The following CELSR1 variants were observed in gnomAD, a reference collection of about 807,000 sequenced individuals.
The protein encoded by CELSR1 is adhesion G protein-coupled receptor C1.
CELSR1 carries 110 observed loss-of-function variants against 249.1 expected under a neutral mutation model. That is an observed-to-expected ratio of 0.44 (90% CI 0.38 to 0.52). The LOEUF is 0.52. Ranked by LOEUF, CELSR1 falls within the 20% of genes least tolerant of loss-of-function variation. The probability of loss-of-function intolerance (pLI) is 0.00; values close to 1 mark genes in which losing one functional copy is unlikely to be tolerated. For synonymous variants in CELSR1, 2,113 were observed against 1,900.0 expected, an observed-to-expected ratio of 1.11 and a Z score of -2.92; for missense variants, 4,109 against 4,296.4, an observed-to-expected ratio of 0.96 and a Z score of 1.22.
intron 5 of CELSR1, among the ~76,000 whole-genome samples, chr22:46,432,351 T>C (rs969929534): frequency 1.3e-5 from 2 of 152,102 alleles, no homozygotes; most frequent in African/African-American, 2.4e-5. Context: ...AGGAAGATGC[T>C]CTCTCCATAG....
chr22:46,529,093 G>A (rs1316429062), intron 1 of CELSR1, among the ~76,000 whole-genome samples: 4 of 151,518 alleles, frequency 2.6e-5, no homozygotes, highest in Non-Finnish European at 4.4e-5. Context: ...GTGAAACCCC[G>A]TCTCTACTAA....
chr22:46,366,596 G>T (rs1345839647), intron 29 of CELSR1, 116 bp from the exon 30 acceptor site: 7 of 833,552 alleles, frequency 8.4e-6, no homozygotes, highest in Non-Finnish European at 1.2e-5. Flanking sequence ...CTGGGCCCCT[G>T]CCTGGCACAC....
At position 46,441,616 on chromosome 22, in the gene CELSR1, C is replaced by A. The variant is rs1220409918; in HGVS notation, c.4184-2205G>T. Among the ~76,000 whole-genome samples the A allele has an allele frequency of 6.6e-6, 1 of 152,098 alleles. No homozygotes were observed. Among genetic ancestry groups the A allele is most frequent in the Non-Finnish European group, 1.5e-5 (1 of 68,026 alleles). On this transcript the variant is annotated intron_variant, in intron 2 of 34. Coordinates refer to ENST00000674500, the MANE Select transcript of CELSR1 (RefSeq NM_001378328.1). This position sits in a 1 kb window ranked among gnomAD's most constrained non-coding sequence, Gnocchi z 6.1. ...CTGTCTTTCTAGCTAGCAGACGGTG[C>A]CTTCTTGCCGCATAAGGGAGAGGGC... is the stretch of plus-strand genomic sequence containing the variant.
intron 1 of CELSR1, among the ~76,000 whole-genome samples, chr22:46,483,332 G>A (rs2080284276): frequency 1.3e-5 from 2 of 151,764 alleles, no homozygotes; most frequent in East Asian, 3.9e-4. Context: ...GGTGTCTAGG[G>A]CGCAGTCCTC....
chr22:46,439,663 C>CA (rs774728003), intron 2 of CELSR1, among the ~76,000 whole-genome samples: 11 of 152,126 alleles, frequency 7.2e-5, no homozygotes, highest in Admixed American at 5.9e-4. Context: ...AGGGGGTTCC[C>CA]AAAAAGCACT....
intron 1 of CELSR1, among the ~76,000 whole-genome samples, chr22:46,511,216 G>A (rs2080570105): frequency 6.7e-6 from 1 of 150,302 alleles, no homozygotes; most frequent in African/African-American, 2.4e-5. Context: ...CATAGAAGAT[G>A]GACACCAAAG....
At position 46,410,580 on chromosome 22, in the gene CELSR1, C is replaced by A. The variant is rs1215280117; in HGVS notation, c.4770-19G>T. ...CAGGGACCTGGGTAGGTAAAGCCAT[C>A]TTCTGTGACGTCAGGGCGGGGAGAG... On this transcript the variant is annotated intron_variant, in intron 6 of 34. Coordinates refer to ENST00000674500, the MANE Select transcript of CELSR1 (RefSeq NM_001378328.1). This position sits in a 1 kb window ranked among gnomAD's most constrained non-coding sequence, Gnocchi z 6.8. 2.5e-6 allele frequency: 4 copies of A among 1,608,898 alleles called. No individual in the cohort carries two copies. The highest frequency in any genetic ancestry group is 3.3e-5 in the Admixed American group (2 of 59,932).
At position 46,439,356 on chromosome 22, in the gene CELSR1, C is replaced by A; in HGVS notation, c.4239G>T (p.Lys1413Asn). The change falls in exon 3 of 35, where the codon AAG becomes AAT. Residue 1413 changes from lysine to asparagine, a missense_variant. By Grantham distance (94) the Lys-to-Asn change is moderately conservative (BLOSUM62 0). Transcript: ENST00000674500. ...GCAGGTTCACGCAGGTGCCCCCGTT[C>A]TTGCACACCCCGTTGGCACAGCGGC... Reference protein sequence around the residue: ...RSGRCANGVCKNGGTCVNLLI... With the variant: ...RSGRCANGVCNNGGTCVNLLI... The A allele has an allele frequency of 6.2e-7, 1 of 1,614,050 alleles. No individual in the cohort carries two copies.
intron 23 of CELSR1, 194 bp from the exon 24 acceptor site, chr22:46,377,455 G>A (rs1375993412): frequency 6.4e-6 from 4 of 626,758 alleles, no homozygotes; most frequent in Non-Finnish European, 1.1e-5. Flanking sequence ...TCAATGCCCT[G>A]GGCCCTGGGC....
Position 46,509,868 on chromosome 22 carries a change from AG to A in CELSR1, c.3544+23758del, listed in dbSNP as rs2080555335. 4.6e-5 allele frequency among the ~76,000 whole-genome samples: 7 copies of A among 152,292 alleles called. No individual in the cohort carries two copies. The South Asian group carries it at 1.5e-3, about 32-fold the overall frequency. ...AGTCCAGGGACCCGGCACACAGGTGAGTCCTTCTCCAAGATGTCATGATGCG... is the reference window on the plus strand; with the variant it reads ...AGTCCAGGGACCCGGCACACAGGTGATCCTTCTCCAAGATGTCATGATGCG... On this transcript the variant is annotated intron_variant, in intron 1 of 34. Coordinates refer to ENST00000674500, the MANE Select transcript of CELSR1 (RefSeq NM_001378328.1).
chr22:46,376,967 G>A, intron 24 of CELSR1, 94 bp downstream of exon 24: 1 of 1,299,940 alleles, frequency 7.7e-7, no homozygotes, highest in East Asian at 2.5e-5. Context: ...GTGAGGAGGA[G>A]CTAGCCAGGG....
intron 24 of CELSR1, among the ~76,000 whole-genome samples, chr22:46,376,815 A>AAAAG (rs72039140): frequency 3.3e-5 from 5 of 151,788 alleles, no homozygotes; most frequent in East Asian, 3.9e-4. Context: ...AAAAAAAAAA[A>AAAAG]AAAGAAAGAA....
At chr22:46,477,199 G>GCTAC (rs2080217775) in intron 1 of CELSR1, among the ~76,000 whole-genome samples, 1 of 152,140 alleles carries the variant, frequency 6.6e-6, no homozygotes, top group Non-Finnish European at 1.5e-5. Context: ...GTATGGCTTG[G>GCTAC]GTAGAGCCAA....
chr22:46,445,493 T>TA lies in CELSR1; in HGVS notation c.4184-6083dup, dbSNP rs1047043442. On this transcript the variant is annotated intron_variant, in intron 2 of 34. Coordinates refer to ENST00000674500, the MANE Select transcript of CELSR1 (RefSeq NM_001378328.1). The surrounding 1 kb of genome is among the most constrained non-coding windows in gnomAD (Gnocchi z 4.4). Reference sequence around the variant, plus strand: ...CTGGGTGACAGAGCAAGACTGTCTCTAAAAAAATGAATAAAAAATAAAGAC... The same window carrying TA: ...CTGGGTGACAGAGCAAGACTGTCTCTAAAAAAAATGAATAAAAAATAAAGAC... Among the ~76,000 whole-genome samples, 1 of 151,950 alleles carries TA rather than the reference T, an allele frequency of 6.6e-6. No individual in the cohort carries two copies. Among genetic ancestry groups the TA allele is most frequent in the Non-Finnish European group, 1.5e-5 (1 of 67,964 alleles).
chr22:46,499,340 G>A (rs1416518893), intron 1 of CELSR1, among the ~76,000 whole-genome samples: 3 of 152,240 alleles, frequency 2.0e-5, no homozygotes, highest in Admixed American at 6.5e-5. Flanking sequence ...CATCTGAAAC[G>A]AAGCTTCCTG....
chr22:46,396,636 G>C lies in CELSR1; in HGVS notation c.5812C>G (p.Pro1938Ala). The C allele has an allele frequency of 1.2e-6, 2 of 1,607,590 alleles. No homozygotes were observed. The highest frequency in any genetic ancestry group is 8.5e-7 in the Non-Finnish European group (1 of 1,176,958). ...TCACAGTACGGCCCGTAGTGACTGGGCCCACACTCGCACACGTAGCCCTGC... is the reference window on the plus strand; with the variant it reads ...TCACAGTACGGCCCGTAGTGACTGGCCCCACACTCGCACACGTAGCCCTGC... ...SPQGYVCECG[P>A]SHYGPYCENK... is the part of the protein sequence containing the mutation. Residue 1938 changes from proline to alanine, a missense_variant, in exon 13 of 35, where the codon CCC (proline) becomes GCC (alanine). By Grantham distance (27) the Pro-to-Ala change is conservative. This residue lies in a region of CELSR1 where 1,805 missense variants were observed against 1,831.6 expected (regional missense o/e 0.99). Transcript: ENST00000674500. This position sits in a 1 kb window ranked among gnomAD's most constrained non-coding sequence, Gnocchi z 6.4.
Position 46,423,569 on chromosome 22 carries a change from C to T in CELSR1, c.4611+9824G>A, listed in dbSNP as rs2079503212. Among the ~76,000 whole-genome samples the T allele has an allele frequency of 6.9e-6, 1 of 145,530 alleles. No homozygotes were observed. Among genetic ancestry groups the T allele is most frequent in the Admixed American group, 6.9e-5 (1 of 14,586 alleles). On this transcript the variant is annotated intron_variant, in intron 5 of 34. Coordinates refer to ENST00000674500, the MANE Select transcript of CELSR1 (RefSeq NM_001378328.1). This position sits in a 1 kb window ranked among gnomAD's most constrained non-coding sequence, Gnocchi z 5.6. ...GCGGTGAGCCGAGATCGCGCCTTTA[C>T]ACTCCAGCCTGGGCAACAGGAGCGA... is the stretch of plus-strand genomic sequence containing the variant.
rs1035066249 is a variant in CELSR1 at position 46,394,780 on chromosome 22, G to C, written c.5844-518C>G. Among the ~76,000 whole-genome samples, 3 of 152,170 alleles carry C rather than the reference G, an allele frequency of 2.0e-5. No individual in the cohort carries two copies. The South Asian group carries it at 6.2e-4, about 32-fold the overall frequency. The stretch of plus-strand genomic sequence containing the variant: ...GGTGTAGCATGCCCCTTAGGACGGC[G>C]GCATGCGCCCGTGCACTCGGAATCC... On this transcript the variant is annotated intron_variant, in intron 13 of 34. Coordinates refer to ENST00000674500, the MANE Select transcript of CELSR1 (RefSeq NM_001378328.1).
chr22:46,507,447 C>T (rs1039205552), intron 1 of CELSR1, among the ~76,000 whole-genome samples: 5 of 152,070 alleles, frequency 3.3e-5, no homozygotes, highest in Admixed American at 6.5e-5. Flanking sequence ...GCAGCTGCAG[C>T]GTACTCCAGC....
Sources: gnomAD v4.1 joint callset for allele counts (sites outside exome capture counted in the v4.1 genomes callset) on GRCh38, gnomAD v4.1.1 for gene constraint, gnomAD v4.1.1 regional missense constraint, Gnocchi (gnomAD v3.1) non-coding constraint, MANE v1.5 for transcripts, NCBI Gene and HGNC (gene_info 2026-07-23, HGNC 2026-07-21) for gene names.